Variants in RARB observed in about 807,000 individuals in gnomAD.
The protein encoded by RARB is HBV-activated protein.
Under a neutral mutation model 51.9 loss-of-function variants are expected in RARB, and 17 were observed. That is an observed-to-expected ratio of 0.33 (90% CI 0.22 to 0.49). The LOEUF is 0.49. Among genes scored for constraint, RARB ranks in the 20% least tolerant of loss-of-function variants. RARB has a pLI of 0.99. For missense variants in RARB, 369 were observed against 550.8 expected (o/e 0.67, Z 3.30); for synonymous variants, 215 against 195.4 (o/e 1.10, Z -0.84).
intron 2 of RARB, among the ~76,000 whole-genome samples, chr3:24,994,424 A>G (rs1224102538): frequency 6.6e-6 from 1 of 152,074 alleles, no homozygotes; most frequent in African/African-American, 2.4e-5. Context: ...GTAGTTTGCA[A>G]ATATTTTCTC....
At chr3:25,573,500 G>C (rs1227506732) in intron 4 of RARB, among the ~76,000 whole-genome samples, 1 of 152,204 alleles carries the variant, frequency 6.6e-6, no homozygotes, top group Non-Finnish European at 1.5e-5. Context: ...TGCCCACCGC[G>C]GGGTGGAGGG....
chr3:25,267,751 G>A (rs184645142), intron 5 of RARB, among the ~76,000 whole-genome samples: 2 of 152,248 alleles, frequency 1.3e-5, no homozygotes, highest in Admixed American at 1.3e-4. Flanking sequence ...CATTTTATGT[G>A]ACTGGAGGGC....
At chr3:24,924,017 T>C (rs1695268909) in intron 2 of RARB, among the ~76,000 whole-genome samples, 1 of 152,162 alleles carries the variant, frequency 6.6e-6, no homozygotes, top group South Asian at 2.1e-4. Flanking sequence ...GTTTGGCTTG[T>C]TCAAGTATGC....
At chr3:25,077,790 A>G (rs1035393225) in intron 3 of RARB, among the ~76,000 whole-genome samples, 2 of 152,200 alleles carry the variant, frequency 1.3e-5, no homozygotes, top group East Asian at 3.9e-4. Flanking sequence ...TGGTTTTACC[A>G]TTTTACAATA....
chr3:25,175,304 C>G (rs1700721823), intron 5 of RARB, among the ~76,000 whole-genome samples: 1 of 152,170 alleles, frequency 6.6e-6, no homozygotes, highest in Non-Finnish European at 1.5e-5. Flanking sequence ...TTAATAACAA[C>G]TTACTTGGTT....
chr3:25,337,643 C>G (rs6799363), intron 5 of RARB, among the ~76,000 whole-genome samples: 26,283 of 152,132 alleles, frequency 0.17, 2,319 homozygotes, highest in South Asian at 0.21. Flanking sequence ...TTTTCAATTA[C>G]TTCTTCAGAC....
At chr3:25,540,021 T>C (rs1286771) in intron 3 of RARB, among the ~76,000 whole-genome samples, 27,685 of 152,104 alleles carry the variant, frequency 0.18, 3,060 homozygotes, top group African/African-American at 0.32. Flanking sequence ...TGCTGGACTT[T>C]AGTATGCCCA....
intron 5 of RARB, among the ~76,000 whole-genome samples, chr3:25,223,943 C>G (rs1702000563): frequency 6.6e-6 from 1 of 152,054 alleles, no homozygotes; most frequent in South Asian, 2.1e-4. Context: ...CTGAGTATTT[C>G]TAAATATTTA....
chr3:25,290,644 A>G (rs1703764326), intron 5 of RARB, among the ~76,000 whole-genome samples: 1 of 152,196 alleles, frequency 6.6e-6, no homozygotes, highest in African/African-American at 2.4e-5. Context: ...GTACATGGTA[A>G]AAAAGGTTCA....
At chr3:25,543,461 G>T (rs1386741577) in intron 3 of RARB, among the ~76,000 whole-genome samples, 1 of 152,116 alleles carries the variant, frequency 6.6e-6, no homozygotes, top group Admixed American at 6.5e-5. Flanking sequence ...TGTACTTCAA[G>T]ATGGCCCTTC....
intron 5 of RARB, among the ~76,000 whole-genome samples, chr3:25,392,891 G>C (rs1374898534): frequency 2.0e-5 from 3 of 151,918 alleles, no homozygotes; most frequent in Non-Finnish European, 2.9e-5. Context: ...TCTTTCTCTT[G>C]TCTGATTGCT....
Position 25,597,839 on chromosome 3 carries a change from AGATTGTTTGT to A in RARB, c.*1224_*1233del, listed in dbSNP as rs1553638434. 6.6e-6 allele frequency: 1 copy of A among 151,890 alleles called. No individual in the cohort carries two copies. The highest frequency in any genetic ancestry group is 1.5e-5 in the Non-Finnish European group (1 of 67,928). 9.4% of individuals were successfully genotyped at this position (151,890 alleles called of 1,614,324 possible). A position where few individuals can be genotyped will look rare whatever the true frequency, so the allele number is the denominator to read the frequency against. Reference sequence around the variant, plus strand: ...TTTCACTGGCTCTGTTTGTACATTGAGATTGTTTGTTTAACAATGCTTTCTATGTTCATAT... The same window carrying A: ...TTTCACTGGCTCTGTTTGTACATTGATTAACAATGCTTTCTATGTTCATAT... On this transcript the variant is annotated 3_prime_UTR_variant, in exon 8 of 8. Coordinates refer to ENST00000330688, the MANE Select transcript of RARB (RefSeq NM_000965.5).
intron 2 of RARB, among the ~76,000 whole-genome samples, chr3:25,046,300 C>T (rs1698212200): frequency 6.6e-6 from 1 of 152,156 alleles, no homozygotes; most frequent in Admixed American, 6.5e-5. Flanking sequence ...TCAAAATAGT[C>T]AGTCTCCTAA....
chr3:25,257,130 C>T (rs752967592), intron 5 of RARB, among the ~76,000 whole-genome samples: 8 of 152,114 alleles, frequency 5.3e-5, no homozygotes, highest in Non-Finnish European at 1.2e-4. Flanking sequence ...ACCAGCAACA[C>T]ATATGATGGT....
chr3:25,056,953 C>G (rs752954550), intron 2 of RARB, among the ~76,000 whole-genome samples: 1 of 151,968 alleles, frequency 6.6e-6, no homozygotes, highest in Non-Finnish European at 1.5e-5. Flanking sequence ...TGAAGTAAAC[C>G]ATATGGTTAG....
chr3:25,145,026 A>G (rs1700165539), intron 4 of RARB, among the ~76,000 whole-genome samples: 1 of 152,152 alleles, frequency 6.6e-6, no homozygotes, highest in African/African-American at 2.4e-5. Context: ...TTTGCACCTA[A>G]GAGGCTGTGG....
intron 5 of RARB, among the ~76,000 whole-genome samples, chr3:25,378,883 A>C (rs2125477556): frequency 6.6e-6 from 1 of 152,348 alleles, no homozygotes. Flanking sequence ...CTTGAGAGGA[A>C]AAAAACCTGC....
At chr3:25,174,598 CT>C (rs1559492453) in intron 5 of RARB, 1 of 1,351,430 alleles carries the variant, frequency 7.4e-7, no homozygotes, top group Non-Finnish European at 9.8e-7. Flanking sequence ...GGAATTTGCT[CT>C]CTTTTCTCTG....
At chr3:25,360,245 C>T (rs868426404) in intron 5 of RARB, among the ~76,000 whole-genome samples, 9 of 152,236 alleles carry the variant, frequency 5.9e-5, no homozygotes, top group South Asian at 4.1e-4. Flanking sequence ...TTCTTTGTCT[C>T]TTTTGATCTT....
Sources: gnomAD v4.1 joint callset for allele counts (sites outside exome capture counted in the v4.1 genomes callset) on GRCh38, gnomAD v4.1.1 for gene constraint, MANE v1.5 for transcripts, NCBI Gene and HGNC (gene_info 2026-07-23, HGNC 2026-07-21) for gene names.